LMF1: variants seen among roughly 807,000 people sequenced by gnomAD.
LMF1 encodes transmembrane protein 112.
In LMF1, 68 loss-of-function variants were observed where a neutral mutation model predicts 60.6. The observed-to-expected ratio is 1.12, with a 90% CI of 0.92 to 1.37. LMF1 has a LOEUF of 1.37. Among genes scored for constraint, LMF1 ranks in the 40% most tolerant of loss-of-function variants. The probability of loss-of-function intolerance (pLI) is 0.00; values close to 1 mark genes in which losing one functional copy is unlikely to be tolerated. For synonymous variants in LMF1, 418 were observed against 324.7 expected (o/e 1.29, Z -3.09); for missense variants, 948 against 767.2 (o/e 1.24, Z -2.78).
chr16:876,261 G>A (rs962923463), intron 6 of LMF1, among the ~76,000 whole-genome samples: 7 of 152,252 alleles, frequency 4.6e-5, no homozygotes, highest in South Asian at 2.1e-4. Flanking sequence ...AAGCCAGTCC[G>A]CAAAGGCTGC....
chr16:933,534 G>C (rs1014755565), intron 3 of LMF1: 2 of 170,618 alleles, frequency 1.2e-5, no homozygotes, highest in African/African-American at 4.8e-5. Context: ...GTTCGGGGCA[G>C]AGAGAGCCTG....
chr16:888,936 C>G (rs927236440), intron 5 of LMF1, among the ~76,000 whole-genome samples: 1 of 152,208 alleles, frequency 6.6e-6, no homozygotes, highest in Non-Finnish European at 1.5e-5. Flanking sequence ...CTCTCCTGTG[C>G]TGCGCTGGCC....
In LMF1 at chr16:870,038, G is replaced by A. The variant is rs2069735245; in HGVS notation, c.1261C>T (p.Leu421=). The A allele has an allele frequency of 1.9e-6, 3 of 1,611,510 alleles. No homozygotes were observed. The highest frequency in any genetic ancestry group is 2.2e-5 in the South Asian group (2 of 91,084). ...GCGTTGGAGCTGGCTGTGCCCTGCA[G>A]GATCACCTCCGCCCGCTCCTTGGTG... ...SITKERAEVI[L]QGTASSNASA... Residue 421 remains leucine, a synonymous_variant, in exon 9 of 11, where the codon CTG becomes TTG. Transcript: ENST00000262301.
At chr16:906,849 C>A (rs2070984835) in intron 4 of LMF1, among the ~76,000 whole-genome samples, 1 of 152,130 alleles carries the variant, frequency 6.6e-6, no homozygotes, top group Non-Finnish European at 1.5e-5. Context: ...AACAATCCTT[C>A]TGGGATTGCT....
chr16:954,282 T>C (rs1442334353), intron 2 of LMF1, 75 bp downstream of exon 2: 3 of 1,405,142 alleles, frequency 2.1e-6, no homozygotes, highest in Non-Finnish European at 2.0e-6. Context: ...TCTTTCCAAG[T>C]GCCAGGACAC....
intron 2 of LMF1, among the ~76,000 whole-genome samples, chr16:937,718 T>TA (rs2071985017): frequency 6.6e-6 from 1 of 152,260 alleles, no homozygotes. Flanking sequence ...TTATCATCTG[T>TA]AAAAAGACTT....
intron 5 of LMF1, among the ~76,000 whole-genome samples, chr16:888,638 C>A (rs988385564): frequency 2.0e-5 from 3 of 152,228 alleles, no homozygotes; most frequent in Non-Finnish European, 4.4e-5. Flanking sequence ...ATGTGGGGAC[C>A]GCAGCAACCC....
upstream of LMF1, chr16:981,502 C>T: frequency 1.3e-5 from 3 of 225,346 alleles, no homozygotes; most frequent in South Asian, 1.1e-4. Flanking sequence ...GACCCCCCTG[C>T]TCCCACCCGG....
intron 10 of LMF1, among the ~76,000 whole-genome samples, chr16:862,904 CCTTCT>C (rs1470885914): frequency 1.3e-5 from 2 of 152,156 alleles, no homozygotes; most frequent in Non-Finnish European, 2.9e-5. Context: ...TGATGCTTTT[CCTTCT>C]CTTCTATTTT....
chr16:917,452 C>T (rs1299143349), intron 3 of LMF1, among the ~76,000 whole-genome samples: 4 of 135,218 alleles, frequency 3.0e-5, no homozygotes, highest in Admixed American at 7.2e-5. Context: ...CGCAGGCCCA[C>T]GTGAAGAAAT....
chr16:888,146 C>G (rs1325948893), intron 5 of LMF1, among the ~76,000 whole-genome samples: 3 of 151,934 alleles, frequency 2.0e-5, no homozygotes, highest in African/African-American at 7.3e-5. Context: ...GGCCTCGGCC[C>G]AAGCCTTGGG....
At chr16:907,049 GTTA>G (rs1259293358) in intron 4 of LMF1, among the ~76,000 whole-genome samples, 2 of 152,146 alleles carry the variant, frequency 1.3e-5, no homozygotes, top group Non-Finnish European at 2.9e-5. Context: ...GGTTCTGAAT[GTTA>G]TTATAAATGC....
At chr16:949,612 C>T (rs1352829663) in intron 2 of LMF1, among the ~76,000 whole-genome samples, 3 of 116,574 alleles carry the variant, frequency 2.6e-5, no homozygotes, top group Admixed American at 8.8e-5. Flanking sequence ...GAGTCAGAGA[C>T]GACAGAGTCA....
chr16:855,226 C>T (rs571159357), intron 10 of LMF1: 8 of 238,002 alleles, frequency 3.4e-5, no homozygotes, highest in South Asian at 5.4e-5. Flanking sequence ...TTCCTGAGGG[C>T]GGAGCCTCTG....
At chr16:945,544 T>G (rs542003207) in intron 2 of LMF1, among the ~76,000 whole-genome samples, 1 of 148,748 alleles carries the variant, frequency 6.7e-6, no homozygotes, top group East Asian at 2.0e-4. Context: ...AAGAAAAAAG[T>G]TCAGCTGGCA....
intron 5 of LMF1, 102 bp from the exon 6 acceptor site, chr16:879,839 C>G (rs2070112381): frequency 8.4e-7 from 1 of 1,191,278 alleles, no homozygotes; most frequent in South Asian, 1.5e-5. Context: ...GCTCCTACTG[C>G]ACACAGGATC....
At chr16:859,209 T>C (rs867016663) in intron 10 of LMF1, among the ~76,000 whole-genome samples, 2 of 43,298 alleles carry the variant, frequency 4.6e-5, no homozygotes. Context: ...GAGTGGTGTC[T>C]CGGGACGGGT....
intron 5 of LMF1, among the ~76,000 whole-genome samples, chr16:892,084 C>T (rs566458139): frequency 3.3e-5 from 5 of 152,348 alleles, no homozygotes; most frequent in East Asian, 1.9e-4. Flanking sequence ...CAGGCCGGCA[C>T]GTGGACCAAG....
Position 905,526 on chromosome 16 carries a change from G to A in LMF1, c.663+5405C>T, listed in dbSNP as rs919303355. ...TCCCTAATAGCCAGTGCATCTGAGG[G>A]ATTTTTCAAGTGCCGTGAGAGCCAT... On this transcript the variant is annotated intron_variant, in intron 4 of 10. Coordinates refer to ENST00000262301, the MANE Select transcript of LMF1 (RefSeq NM_022773.4). Among the ~76,000 whole-genome samples, 13 of 152,358 alleles carry A rather than the reference G, an allele frequency of 8.5e-5. No homozygotes were observed. The South Asian group carries it at 2.7e-3, about 32-fold the overall frequency.
Sources: allele counts gnomAD v4.1 joint callset (sites outside exome capture counted in the v4.1 genomes callset), GRCh38; gene constraint gnomAD v4.1.1; transcripts MANE v1.5; gene names NCBI Gene and HGNC (gene_info 2026-07-23, HGNC 2026-07-21).